Variants in MET observed in about 807,000 individuals in gnomAD.
MET encodes the protein hepatocyte growth factor receptor.
Under a neutral mutation model 133.1 loss-of-function variants are expected in MET, and 48 were observed. The observed-to-expected ratio is 0.36, with a 90% CI of 0.29 to 0.46. The LOEUF (loss-of-function observed/expected upper bound fraction) is 0.46, where lower values mean the gene tolerates loss of function less well. Among genes scored for constraint, MET ranks in the 20% least tolerant of loss-of-function variants. The pLI is 1.00. For synonymous variants in MET, 628 were observed against 616.5 expected, an observed-to-expected ratio of 1.02 and a Z score of -0.28; for missense variants, 1,442 against 1,695.9, an observed-to-expected ratio of 0.85 and a Z score of 2.63.
intron 10 of MET, among the ~76,000 whole-genome samples, chr7:116,759,933 G>A (rs560035458): frequency 6.6e-6 from 1 of 152,178 alleles, no homozygotes; most frequent in East Asian, 1.9e-4. Context: ...GAGCCATCAT[G>A]CCTGGCTAAT....
intron 1 of MET, among the ~76,000 whole-genome samples, chr7:116,690,087 C>A (rs749452784): frequency 6.6e-6 from 1 of 151,998 alleles, no homozygotes; most frequent in African/African-American, 2.4e-5. Context: ...AAACAGTCAC[C>A]AGGTATTTGG....
chr7:116,695,130 G>C (rs570326644), intron 1 of MET, among the ~76,000 whole-genome samples: 6 of 152,150 alleles, frequency 3.9e-5, no homozygotes, highest in African/African-American at 1.4e-4. Context: ...AGAAAATACA[G>C]CAATAAATTA....
chr7:116,763,439 C>T (rs200041888), intron 11 of MET, 171 bp downstream of exon 11: 92 of 655,850 alleles, frequency 1.4e-4, no homozygotes, highest in East Asian at 1.3e-3. Flanking sequence ...TAAGAATAAC[C>T]GTGGACTGCA....
chr7:116,755,698 A>G (rs1462131430), intron 6 of MET, among the ~76,000 whole-genome samples, 183 bp downstream of exon 6: 1 of 152,170 alleles, frequency 6.6e-6, no homozygotes, highest in Non-Finnish European at 1.5e-5. Flanking sequence ...ATTGGATTTG[A>G]AGAGAGAGAA....
At chr7:116,748,976 C>CA (rs1455440121) in intron 5 of MET, among the ~76,000 whole-genome samples, 4 of 151,968 alleles carry the variant, frequency 2.6e-5, no homozygotes, top group Non-Finnish European at 5.9e-5. Flanking sequence ...GCCTACCAAC[C>CA]AAAAAAAGCC....
chr7:116,706,095 A>G (rs1382245126), intron 2 of MET, among the ~76,000 whole-genome samples: 1 of 152,146 alleles, frequency 6.6e-6, no homozygotes, highest in Non-Finnish European at 1.5e-5. Context: ...ACCTAATAGC[A>G]AGAGAACACA....
intron 2 of MET, among the ~76,000 whole-genome samples, chr7:116,714,488 T>C (rs1160155853): frequency 6.6e-6 from 1 of 152,168 alleles, no homozygotes; most frequent in East Asian, 1.9e-4. Flanking sequence ...ACACAGATCT[T>C]ATTTTTTTCC....
intron 10 of MET, among the ~76,000 whole-genome samples, chr7:116,761,448 A>C (rs1407702066): frequency 6.6e-6 from 1 of 152,174 alleles, no homozygotes; most frequent in African/African-American, 2.4e-5. Flanking sequence ...TTTAAAGCTG[A>C]CCATGATGAA....
intron 6 of MET, 141 bp downstream of exon 6, chr7:116,755,656 G>A (rs1794150529): frequency 2.0e-6 from 2 of 991,458 alleles, no homozygotes; most frequent in Non-Finnish European, 3.0e-6. Context: ...TTGTGGGTCT[G>A]TTCTGTTTTG....
intron 19 of MET, among the ~76,000 whole-genome samples, chr7:116,787,077 A>T (rs531018867): frequency 6.6e-6 from 1 of 152,322 alleles, no homozygotes; most frequent in East Asian, 1.9e-4. Flanking sequence ...GTCATGGTGG[A>T]GGACCAGGAC....
At chr7:116,682,944 A>G (rs1322077881) in intron 1 of MET, among the ~76,000 whole-genome samples, 2 of 152,168 alleles carry the variant, frequency 1.3e-5, no homozygotes, top group African/African-American at 4.8e-5. Context: ...TTTCTGTCTC[A>G]AAGGATGAAA....
chr7:116,796,003 A>G lies in MET; in HGVS notation c.4052A>G (p.His1351Arg), dbSNP rs1490801483. Residue 1351 changes from histidine to arginine, a missense_variant, in exon 21 of 21, where the codon CAT (histidine) becomes CGT (arginine). His to Arg is a conservative substitution (Grantham distance 29). Transcript: ENST00000397752. ...FSTFIGEHYV[H>R]VNATYVNVKC... is the part of the protein sequence containing the mutation. ...ACTTTCATTGGGGAGCACTATGTCC[A>G]TGTGAACGCTACTTATGTGAACGTA... is the stretch of plus-strand genomic sequence containing the variant. The G allele has an allele frequency of 6.2e-7, 1 of 1,613,972 alleles. No individual in the cohort carries two copies.
chr7:116,675,545 C>T (rs944564418), intron 1 of MET, among the ~76,000 whole-genome samples: 8 of 152,122 alleles, frequency 5.3e-5, no homozygotes, highest in African/African-American at 1.7e-4. Context: ...AACATCTTAA[C>T]ATTCTTATGT....
intron 4 of MET, among the ~76,000 whole-genome samples, chr7:116,740,595 C>T (rs1340017497): frequency 6.6e-6 from 1 of 152,128 alleles, no homozygotes; most frequent in African/African-American, 2.4e-5. Flanking sequence ...TATGTAGAAC[C>T]TCTAACATTG....
intron 11 of MET, among the ~76,000 whole-genome samples, chr7:116,768,478 C>T (rs1794711469): frequency 2.0e-5 from 3 of 152,166 alleles, no homozygotes; most frequent in Admixed American, 2.0e-4. Flanking sequence ...ATGGACTACA[C>T]ATACTGCTTC....
intron 2 of MET, among the ~76,000 whole-genome samples, chr7:116,702,765 A>G (rs531337468): frequency 6.6e-6 from 1 of 152,184 alleles, no homozygotes; most frequent in Non-Finnish European, 1.5e-5. Flanking sequence ...GTAACTTTCT[A>G]CTTATGCTTC....
chr7:116,775,100 T>A lies in MET; in HGVS notation c.3248T>A (p.Val1083Asp), dbSNP rs751729200. ...PSSLIVHFNE[V>D]IGRGHFGCVY... ...AGCCTGATTGTGCATTTCAATGAAGTCATAGGAAGAGGTAAGTATTTCCAC... is the reference window on the plus strand; with the variant it reads ...AGCCTGATTGTGCATTTCAATGAAGACATAGGAAGAGGTAAGTATTTCCAC... The change falls in exon 15 of 21, where the codon GTC becomes GAC. Residue 1083 changes from valine (V) to aspartate (D), a missense_variant. By Grantham distance (152) the Val-to-Asp change is radical. Around this residue, in one of 6 missense-constraint regions of MET, gnomAD observed 514 missense variants for 659.6 expected, o/e 0.78. Transcript: ENST00000397752. The A allele has an allele frequency of 6.2e-7, 1 of 1,614,112 alleles. No homozygotes were observed. Among genetic ancestry groups the A allele is most frequent in the South Asian group, 1.1e-5 (1 of 91,086 alleles).
chr7:116,749,670 T>C (rs1793838788), intron 5 of MET, among the ~76,000 whole-genome samples: 1 of 152,096 alleles, frequency 6.6e-6, no homozygotes, highest in African/African-American at 2.4e-5. Context: ...AGTCAAATTG[T>C]CTCTGTTTGC....
In MET at chr7:116,699,963, A is replaced by G; in HGVS notation, c.879A>G (p.Glu293=). Residue 293 remains glutamate, a synonymous_variant, in exon 2 of 21, where the codon GAA becomes GAG. Coordinates refer to ENST00000397752, the MANE Select transcript of MET (RefSeq NM_000245.4). ...SINSGLHSYM[E]MPLECILTEK... Reference sequence around the variant, plus strand: ...ACTCTGGATTGCATTCCTACATGGAAATGCCTCTGGAGTGTATTCTCACAG... The same window carrying G: ...ACTCTGGATTGCATTCCTACATGGAGATGCCTCTGGAGTGTATTCTCACAG... The G allele has an allele frequency of 6.2e-7, 1 of 1,614,088 alleles. No homozygotes were observed. The highest frequency in any genetic ancestry group is 1.1e-5 in the South Asian group (1 of 91,090).
Sources: allele counts gnomAD v4.1 joint callset (sites outside exome capture counted in the v4.1 genomes callset), GRCh38; gene constraint gnomAD v4.1.1; regional missense constraint gnomAD v4.1.1; transcripts MANE v1.5; gene names NCBI Gene and HGNC (gene_info 2026-07-23, HGNC 2026-07-21).